SLC27A6: variants seen among roughly 807,000 people sequenced by gnomAD.
The protein encoded by SLC27A6 is long-chain fatty acid transport protein 6.
SLC27A6 carries 74 observed loss-of-function variants against 63.9 expected under a neutral mutation model. The ratio of observed to expected loss-of-function variants is 1.16; its 90% CI spans 0.96 to 1.40. SLC27A6 has a LOEUF of 1.40. SLC27A6 is among the 40% of genes most tolerant of loss of function. The pLI, the probability that SLC27A6 is intolerant of heterozygous loss-of-function variation, is 0.00. For synonymous variants in SLC27A6, 287 were observed against 260.8 expected (o/e 1.10, Z -0.97); for missense variants, 794 against 732.9 (o/e 1.08, Z -0.96).
At chr5:129,002,157 C>T (rs891934460) in intron 4 of SLC27A6, among the ~76,000 whole-genome samples, 3 of 152,170 alleles carry the variant, frequency 2.0e-5, no homozygotes, top group African/African-American at 7.2e-5. Context: ...TAAGCAAGTT[C>T]TCTTAAATTT....
chr5:128,984,928 C>A (rs1750733402), intron 1 of SLC27A6, among the ~76,000 whole-genome samples: 1 of 152,174 alleles, frequency 6.6e-6, no homozygotes, highest in African/African-American at 2.4e-5. Context: ...TTGCATTGGT[C>A]TGTCAGGTGA....
intron 2 of SLC27A6, among the ~76,000 whole-genome samples, chr5:128,986,691 C>G (rs747743685): frequency 4.6e-5 from 7 of 152,086 alleles, no homozygotes; most frequent in Admixed American, 3.3e-4. Flanking sequence ...GCTACCTAAT[C>G]AGGTCTATTG....
chr5:129,011,978 T>A (rs1173634733), intron 4 of SLC27A6, among the ~76,000 whole-genome samples: 2 of 152,018 alleles, frequency 1.3e-5, no homozygotes, highest in African/African-American at 4.8e-5. Flanking sequence ...GATATAGATA[T>A]ATCTATATAT....
chr5:128,976,468 C>T (rs927651392), intron 1 of SLC27A6, among the ~76,000 whole-genome samples: 6 of 152,248 alleles, frequency 3.9e-5, no homozygotes, highest in South Asian at 2.1e-4. Flanking sequence ...GAGCTGAGAT[C>T]GTGCCATTGC....
intron 1 of SLC27A6, among the ~76,000 whole-genome samples, chr5:128,977,123 C>G (rs1298053679): frequency 6.6e-6 from 1 of 152,074 alleles, no homozygotes; most frequent in African/African-American, 2.4e-5. Flanking sequence ...CAAAAATATG[C>G]GAAGTAAATT....
chr5:128,986,755 A>G (rs1304845692), intron 2 of SLC27A6, among the ~76,000 whole-genome samples: 2 of 152,162 alleles, frequency 1.3e-5, no homozygotes, highest in Non-Finnish European at 1.5e-5. Flanking sequence ...GTCCCTTAGG[A>G]CAAAAGGAAT....
Position 129,023,729 on chromosome 5 carries a change from G to T in SLC27A6, c.1255+19G>T, listed in dbSNP as rs1339584822. 1 of 1,551,152 alleles carries T rather than the reference G, an allele frequency of 6.4e-7. No homozygotes were observed. The highest frequency in any genetic ancestry group is 8.9e-7 in the Non-Finnish European group (1 of 1,127,488). On this transcript the variant is annotated intron_variant, in intron 6 of 9. Coordinates refer to ENST00000262462, the MANE Select transcript of SLC27A6 (RefSeq NM_001017372.3). ...AAAAAAGGTAAGACTTCTATTTGAA[G>T]ACATCTCCTCAAGCAAAGTTTCTGA...
intron 1 of SLC27A6, among the ~76,000 whole-genome samples, chr5:128,980,850 T>A (rs1022837705): frequency 3.9e-5 from 6 of 152,176 alleles, no homozygotes; most frequent in African/African-American, 9.7e-5. Flanking sequence ...TATTAGCTTG[T>A]TTTATGTAGA....
At chr5:129,019,692 A>G (rs1752014395) in intron 5 of SLC27A6, among the ~76,000 whole-genome samples, 1 of 152,050 alleles carries the variant, frequency 6.6e-6, no homozygotes, top group South Asian at 2.1e-4. Flanking sequence ...GAAAAAATGT[A>G]AATATTACAC....
chr5:129,005,954 G>A (rs1339564630), intron 4 of SLC27A6, among the ~76,000 whole-genome samples: 1 of 151,638 alleles, frequency 6.6e-6, no homozygotes, highest in Non-Finnish European at 1.5e-5. Flanking sequence ...TGCAAAAACG[G>A]GACATGGCTC....
chr5:128,966,162 CT>C lies in SLC27A6; in HGVS notation c.26del (p.Leu9GlnfsTer27). MLLSWLTV[L>X]GAGMVVLHFL... ...CATGCTTCTGTCATGGCTAACAGTT[CT>C]AGGGGCTGGAATGGTCGTCCTGCAC... On this transcript the variant is annotated frameshift_variant, in exon 1 of 10. Transcript: ENST00000262462. LOFTEE classifies it high-confidence loss of function. The C allele has an allele frequency of 1.9e-6, 3 of 1,567,486 alleles. No homozygotes were observed. The highest frequency in any genetic ancestry group is 2.6e-6 in the Non-Finnish European group (3 of 1,159,548).
intron 1 of SLC27A6, among the ~76,000 whole-genome samples, chr5:128,982,762 C>T (rs72797194): frequency 0.031 from 4,733 of 152,286 alleles, 122 homozygotes; most frequent in Non-Finnish European, 0.048. Flanking sequence ...CCAAAGCAAT[C>T]TATATACAGC....
At chr5:129,023,508 A>G (rs1474035431) in intron 5 of SLC27A6, 112 bp from the exon 6 acceptor site, 2 of 603,906 alleles carry the variant, frequency 3.3e-6, no homozygotes, top group South Asian at 2.5e-5. Context: ...TATTCCAATT[A>G]TTTATTTCAA....
At chr5:129,020,271 A>G (rs1752032049) in intron 5 of SLC27A6, among the ~76,000 whole-genome samples, 1 of 152,210 alleles carries the variant, frequency 6.6e-6, no homozygotes, top group African/African-American at 2.4e-5. Context: ...CTGCATATTT[A>G]TAGGAATGCA....
rs140036324 is a variant in SLC27A6, at chr5:128,966,530, G to C, written c.393G>C (p.Val131=). The change falls in exon 1 of 10, where the codon GTG becomes GTC. Residue 131 remains valine (V), a synonymous_variant. Coordinates refer to ENST00000262462, the MANE Select transcript of SLC27A6 (RefSeq NM_001017372.3). ...TCGGCCTCGCCAAGCTGGGCTGCGT[G>C]GTGGCCTTTCTCAACACCAACATTC... ...VWFGLAKLGC[V]VAFLNTNIRS... is the part of the protein sequence containing the mutation. 29 of 1,595,810 alleles carry C rather than the reference G, an allele frequency of 1.8e-5. No individual in the cohort carries two copies. In the African/African-American group the frequency reaches 2.2e-4, roughly 12 times the overall value.
In SLC27A6 at chr5:129,033,175, C is replaced by A. The variant is rs752806503; in HGVS notation, c.1753C>A (p.Leu585Met). 1.2e-6 allele frequency: 2 copies of A among 1,609,120 alleles called. No homozygotes were observed. The highest frequency in any genetic ancestry group is 1.3e-5 in the African/African-American group (1 of 74,802). The change falls in exon 10 of 10, where the codon CTG becomes ATG. Residue 585 changes from leucine to methionine, a missense_variant. Transcript: ENST00000262462. ...GTTGGTGGAAGATGGATTTAATCCACTGAAAATTTCTGAACCACTTTACTT... is the reference window on the plus strand; with the variant it reads ...GTTGGTGGAAGATGGATTTAATCCAATGAAAATTTCTGAACCACTTTACTT... ...HQLVEDGFNP[L>M]KISEPLYFMD... is the part of the protein sequence containing the mutation.
intron 4 of SLC27A6, among the ~76,000 whole-genome samples, chr5:128,996,856 CTTGT>C (rs1489698705): frequency 5.3e-5 from 8 of 152,170 alleles, no homozygotes; most frequent in African/African-American, 1.7e-4. Context: ...GTATCTTGAA[CTTGT>C]TTGTTTGTTC....
intron 2 of SLC27A6, 128 bp from the exon 3 acceptor site, chr5:128,988,472 T>A: frequency 1.5e-6 from 1 of 670,398 alleles, no homozygotes. Flanking sequence ...TTTCTGTCAA[T>A]TGCTAGTGTA....
chr5:129,018,564 T>G (rs894720100), intron 5 of SLC27A6, among the ~76,000 whole-genome samples: 7 of 152,130 alleles, frequency 4.6e-5, no homozygotes, highest in Non-Finnish European at 7.4e-5. Context: ...GGAAAGTAAG[T>G]GCTGATTTTA....
Sources: allele counts gnomAD v4.1 joint callset (sites outside exome capture counted in the v4.1 genomes callset), GRCh38; gene constraint gnomAD v4.1.1; transcripts MANE v1.5; gene names NCBI Gene and HGNC (gene_info 2026-07-23, HGNC 2026-07-21).